GPR161: variants seen among roughly 807,000 people sequenced by gnomAD.
GPR161 encodes G protein-coupled receptor 161.
GPR161 carries 25 observed loss-of-function variants against 39.2 expected under a neutral mutation model. The ratio of observed to expected loss-of-function variants is 0.64; its 90% CI spans 0.47 to 0.89. The LOEUF is 0.89. Among genes scored for constraint, GPR161 ranks in the 40% least tolerant of loss-of-function variants. The pLI is 0.00. For missense variants in GPR161, 547 were observed against 677.8 expected (o/e 0.81, Z 2.14); for synonymous variants, 286 against 276.6 (o/e 1.03, Z -0.34).
Position 168,087,652 on chromosome 1 carries a change from A to G in GPR161, c.1257T>C (p.Ser419=), listed in dbSNP as rs1694665936. The change falls in exon 5 of 6, where the codon TCT becomes TCC. Residue 419 remains serine (S), a synonymous_variant. Transcript: ENST00000682931. ...TTCTCTTGGGTGGGCAAGTGCAGTGAGAGGGAGGGTTGTCATCAGACGTGT... is the reference window on the plus strand; with the variant it reads ...TTCTCTTGGGTGGGCAAGTGCAGTGGGAGGGAGGGTTGTCATCAGACGTGT... ...EDYTSDDNPP[S]HCTCPPKRRS... 1.2e-6 allele frequency: 2 copies of G among 1,613,946 alleles called. No individual in the cohort carries two copies. The highest frequency in any genetic ancestry group is 4.5e-5 in the East Asian group (2 of 44,890).
At chr1:168,137,512 G>T, upstream of GPR161, 1 of 897,516 alleles carries the variant, frequency 1.1e-6, no homozygotes, top group Non-Finnish European at 1.8e-6. Flanking sequence ...GGGAGTGGAC[G>T]TAAACAGGTC....
intron 1 of GPR161, among the ~76,000 whole-genome samples, chr1:168,123,980 T>C (rs1698406781): frequency 6.6e-6 from 1 of 152,102 alleles, no homozygotes. Context: ...TAAAAAGCAA[T>C]CCTAACTTGA....
Position 168,082,906 on chromosome 1 carries a change from CTCTT to C in GPR161, c.*2621_*2624del, listed in dbSNP as rs1422803290. The stretch of plus-strand genomic sequence containing the variant: ...TTCCTTCTCCCCCACACCCCCTTCT[CTCTT>C]TCTCTCTAGCTGAATAAAGGCAAAT... On this transcript the variant is annotated 3_prime_UTR_variant, in exon 6 of 6. Transcript: ENST00000682931. The C allele has an allele frequency of 6.6e-6, 1 of 152,310 alleles. No homozygotes were observed. The highest frequency in any genetic ancestry group is 2.4e-5 in the African/African-American group (1 of 41,454). The allele number at this position is 152,310 out of a possible 1,614,324, so 9.4% of individuals were successfully genotyped here. A position where few individuals can be genotyped will look rare whatever the true frequency, so the allele number is the denominator to read the frequency against.
At chr1:168,092,660 G>A (rs1572256178) in intron 3 of GPR161, among the ~76,000 whole-genome samples, 2 of 152,176 alleles carry the variant, frequency 1.3e-5, no homozygotes, top group East Asian at 1.9e-4. Context: ...ACAGGGGTGT[G>A]ATTCTGAGAT....
chr1:168,119,195 CAT>C lies in GPR161; in HGVS notation c.-44-14303_-44-14302del, dbSNP rs3063902. Among the ~76,000 whole-genome samples, 405 of 109,282 alleles carry C rather than the reference CAT, an allele frequency of 3.7e-3. 7 individuals carry two copies. Among genetic ancestry groups the C allele is most frequent in the Middle Eastern group, 0.024 (5 of 212 alleles). The allele number at this position is 109,282 out of a possible 152,430, so 71.7% of individuals were successfully genotyped here. On this transcript the variant is annotated intron_variant, in intron 1 of 5. Coordinates refer to ENST00000682931, the MANE Select transcript of GPR161 (RefSeq NM_001375883.1). Reference sequence around the variant, plus strand: ...ATGTAGAAGCAACCCAAATCTCCATCATATATATATATATGTATACATATATA... The same window carrying C: ...ATGTAGAAGCAACCCAAATCTCCATCATATATATATATGTATACATATATA...
intron 2 of GPR161, among the ~76,000 whole-genome samples, chr1:168,099,607 G>C (rs1313435605): frequency 6.6e-6 from 1 of 152,092 alleles, no homozygotes; most frequent in Admixed American, 6.5e-5. Flanking sequence ...TGTAACAAAT[G>C]GTACCCATAT....
At chr1:168,126,374 A>G (rs1190889759) in intron 1 of GPR161, among the ~76,000 whole-genome samples, 2 of 152,102 alleles carry the variant, frequency 1.3e-5, no homozygotes, top group African/African-American at 4.8e-5. Context: ...GACCCTTACC[A>G]TCTCCTCCGG....
At chr1:168,092,139 G>T (rs558065332) in intron 3 of GPR161, among the ~76,000 whole-genome samples, 5 of 152,290 alleles carry the variant, frequency 3.3e-5, no homozygotes, top group African/African-American at 1.2e-4. Flanking sequence ...TTGACTGGGG[G>T]TTACTGTAGG....
chr1:168,117,508 CT>C (rs765762367), intron 1 of GPR161, among the ~76,000 whole-genome samples: 48 of 152,154 alleles, frequency 3.2e-4, no homozygotes, highest in African/African-American at 4.3e-4. Context: ...TAACCCCCCC[CT>C]GCATCAGTCT....
intron 1 of GPR161, among the ~76,000 whole-genome samples, chr1:168,110,522 AC>A (rs1379458381): frequency 8.3e-6 from 1 of 121,122 alleles, no homozygotes; most frequent in Non-Finnish European, 1.7e-5. Flanking sequence ...AAAAAAAAAA[AC>A]GAAAGAAAGG....
chr1:168,110,509 G>GAA (rs113090044), intron 1 of GPR161, among the ~76,000 whole-genome samples: 5,799 of 23,732 alleles, frequency 0.24, 320 homozygotes, highest in Non-Finnish European at 0.35. Flanking sequence ...CATTAAAAAA[G>GAA]AAAAAAAAAA....
rs1183245703 is a variant in GPR161, at chr1:168,136,915, C to A, written c.-221G>T. On this transcript the variant is annotated 5_prime_UTR_variant, in exon 1 of 6. Transcript: ENST00000682931. The stretch of plus-strand genomic sequence containing the variant: ...CCAGCCACCAGCACGCGGACCCGGG[C>A]GGGCGCAGGCCAAGTAACTTTGCGG... 3 of 980,400 alleles carry A rather than the reference C, an allele frequency of 3.1e-6. No homozygotes were observed. The African/African-American group carries it at 5.3e-5, about 17-fold the overall frequency. 60.7% of individuals were successfully genotyped at this position (980,400 alleles called of 1,614,324 possible).
At chr1:168,120,407 C>A (rs1301511808) in intron 1 of GPR161, among the ~76,000 whole-genome samples, 1 of 152,150 alleles carries the variant, frequency 6.6e-6, no homozygotes, top group African/African-American at 2.4e-5. Flanking sequence ...TTGGAAGTAA[C>A]TAACTTGCTT....
chr1:168,104,988 C>T, intron 1 of GPR161, 94 bp from the exon 2 acceptor site: 1 of 926,794 alleles, frequency 1.1e-6, no homozygotes, highest in Non-Finnish European at 1.6e-6. Flanking sequence ...GGGTTAAGTG[C>T]TACGCCTCAG....
Position 168,136,438 on chromosome 1 carries a change from G to C in GPR161, c.-45+301C>G, listed in dbSNP as rs770434507. On this transcript the variant is annotated intron_variant, in intron 1 of 5. Coordinates refer to ENST00000682931, the MANE Select transcript of GPR161 (RefSeq NM_001375883.1). ...GGGCTTCGGGCGGCGCCGGAGAAAC[G>C]GGGCGGGCTGCACCCAGCAGAATGG... 8 of 1,347,336 alleles carry C rather than the reference G, an allele frequency of 5.9e-6. No individual in the cohort carries two copies. In the South Asian group the frequency reaches 1.3e-4, roughly 21 times the overall value. The allele number at this position is 1,347,336 out of a possible 1,614,324, so 83.5% of individuals were successfully genotyped here. A position where few individuals can be genotyped will look rare whatever the true frequency, so the allele number is the denominator to read the frequency against.
At chr1:168,090,409 G>A (rs538772656) in intron 4 of GPR161, 155 bp downstream of exon 4, 311 of 523,444 alleles carry the variant, frequency 5.9e-4, no homozygotes, top group Middle Eastern at 4.0e-3. Context: ...TCAAAGCCAC[G>A]ACTGGAAACC....
rs142900649 is a variant in GPR161 at position 168,087,334 on chromosome 1, G to GGTGTGTGTGTGT, written c.1324+239_1324+250dup. 1.0e-4 allele frequency among the ~76,000 whole-genome samples: 15 copies of GGTGTGTGTGTGT among 148,770 alleles called. No homozygotes were observed. The South Asian group carries it at 1.7e-3, about 17-fold the overall frequency. ...TGGGCTGTGTGTGTAAACACGTGTG[G>GGTGTGTGTGTGT]GTGTGTGTGTGTGTGTGTGTGTGTG... On this transcript the variant is annotated intron_variant, in intron 5 of 5. Transcript: ENST00000682931.
intron 1 of GPR161, among the ~76,000 whole-genome samples, chr1:168,122,841 G>A (rs1698290210): frequency 6.6e-6 from 1 of 152,024 alleles, no homozygotes; most frequent in South Asian, 2.1e-4. Context: ...TAGCACATGT[G>A]TGTGTTCTTA....
At position 168,096,500 on chromosome 1, in the gene GPR161, C is replaced by T. The variant is rs141134420; in HGVS notation, c.1099+8G>A. On this transcript the variant is annotated splice_region_variant and intron_variant, in intron 3 of 5. Coordinates refer to ENST00000682931, the MANE Select transcript of GPR161 (RefSeq NM_001375883.1). ...TCGGAGGGGCTATCCTAACAATGCC[C>T]AAGTTACCTGTGATCCTGTTGGAAA... The T allele has an allele frequency of 1.7e-5, 28 of 1,610,526 alleles. No homozygotes were observed. The Admixed American group carries it at 4.7e-4, about 27-fold the overall frequency.
Sources: gnomAD v4.1 joint callset for allele counts (sites outside exome capture counted in the v4.1 genomes callset) on GRCh38, gnomAD v4.1.1 for gene constraint, MANE v1.5 for transcripts, NCBI Gene and HGNC (gene_info 2026-07-23, HGNC 2026-07-21) for gene names.